Variants in CNTNAP2 observed in about 807,000 individuals in gnomAD.
CNTNAP2 encodes the protein contactin associated protein 2, also known as contactin-associated protein-like 2.
A neutral mutation model predicts 155.2 loss-of-function variants in CNTNAP2; 98 were observed. The observed-to-expected ratio is 0.63, with a 90% CI of 0.54 to 0.75. The LOEUF (loss-of-function observed/expected upper bound fraction) is 0.75, where lower values mean the gene tolerates loss of function less well. CNTNAP2 is among the 30% of genes least tolerant of loss of function. The probability of loss-of-function intolerance (pLI) is 0.00; values close to 1 mark genes in which losing one functional copy is unlikely to be tolerated. For missense variants in CNTNAP2, 1,727 were observed against 1,688.1 expected, an observed-to-expected ratio of 1.02 and a Z score of -0.40; for synonymous variants, 651 against 631.2, an observed-to-expected ratio of 1.03 and a Z score of -0.47.
chr7:146,766,256 A>G (rs1039899196), intron 1 of CNTNAP2, among the ~76,000 whole-genome samples: 1 of 152,208 alleles, frequency 6.6e-6, no homozygotes, highest in African/African-American at 2.4e-5. Flanking sequence ...CATATCCATT[A>G]AATTGCTGAT....
At chr7:147,355,402 A>C (rs1218938873) in intron 9 of CNTNAP2, among the ~76,000 whole-genome samples, 1 of 152,102 alleles carries the variant, frequency 6.6e-6, no homozygotes, top group East Asian at 1.9e-4. Context: ...AAGAGTAAAC[A>C]AATTCAAAAG....
At chr7:146,626,873 A>G (rs1465073394) in intron 1 of CNTNAP2, among the ~76,000 whole-genome samples, 1 of 152,178 alleles carries the variant, frequency 6.6e-6, no homozygotes, top group African/African-American at 2.4e-5. Context: ...TAGCTTTAAA[A>G]TGGAGGCCAT....
chr7:147,070,221 G>T (rs1050142260), intron 4 of CNTNAP2, among the ~76,000 whole-genome samples: 3 of 152,142 alleles, frequency 2.0e-5, no homozygotes, highest in African/African-American at 7.2e-5. Flanking sequence ...ATCTCAGAGG[G>T]AAATTAGGTA....
chr7:147,630,176 G>T (rs953773671), intron 12 of CNTNAP2, among the ~76,000 whole-genome samples: 24 of 151,586 alleles, frequency 1.6e-4, no homozygotes, highest in Non-Finnish European at 3.1e-4. Flanking sequence ...ATCATTCAAG[G>T]CTACTATGAA....
intron 11 of CNTNAP2, among the ~76,000 whole-genome samples, chr7:147,559,750 G>A (rs1800022960): frequency 6.6e-6 from 1 of 151,894 alleles, no homozygotes; most frequent in Non-Finnish European, 1.5e-5. Context: ...CTGGAGAGAG[G>A]TGTAAAAAAT....
intron 11 of CNTNAP2, among the ~76,000 whole-genome samples, chr7:147,506,865 A>G (rs1798915551): frequency 6.6e-6 from 1 of 152,050 alleles, no homozygotes; most frequent in South Asian, 2.1e-4. Flanking sequence ...TTCCTGTGAT[A>G]TTTTAAAAGG....
chr7:148,036,230 T>G (rs1056559184), intron 15 of CNTNAP2, among the ~76,000 whole-genome samples: 2 of 152,108 alleles, frequency 1.3e-5, no homozygotes, highest in African/African-American at 2.4e-5. Context: ...TTGAGATAGA[T>G]TGAATATATT....
intron 12 of CNTNAP2, among the ~76,000 whole-genome samples, chr7:147,630,316 T>TAAAA (rs71183024): frequency 2.9e-4 from 21 of 73,038 alleles, no homozygotes; most frequent in South Asian, 7.9e-4. Context: ...GAAACAGTAG[T>TAAAA]AAAAAAAAAA....
chr7:146,890,583 C>T (rs2129211373), intron 3 of CNTNAP2, among the ~76,000 whole-genome samples: 1 of 152,268 alleles, frequency 6.6e-6, no homozygotes, highest in African/African-American at 2.4e-5. Flanking sequence ...TTTTGCTAAT[C>T]AAGCATGTAT....
chr7:146,342,742 A>G (rs1794750441), intron 1 of CNTNAP2, among the ~76,000 whole-genome samples: 2 of 152,158 alleles, frequency 1.3e-5, no homozygotes, highest in African/African-American at 2.4e-5. Flanking sequence ...TTGGAGCTAT[A>G]TTGTCCCATT....
intron 13 of CNTNAP2, among the ~76,000 whole-genome samples, chr7:147,707,417 A>G (rs550892419): frequency 5.3e-5 from 8 of 152,282 alleles, no homozygotes; most frequent in African/African-American, 1.9e-4. Context: ...TTCCTCAGTG[A>G]CTGCAGTGTC....
At chr7:147,173,493 G>A (rs1177527558) in intron 8 of CNTNAP2, among the ~76,000 whole-genome samples, 1 of 152,100 alleles carries the variant, frequency 6.6e-6, no homozygotes, top group Non-Finnish European at 1.5e-5. Context: ...GATGAGATTA[G>A]ATTTATAAAA....
intron 1 of CNTNAP2, among the ~76,000 whole-genome samples, chr7:146,150,489 G>A (rs1387643488): frequency 5.9e-5 from 9 of 151,850 alleles, no homozygotes. Context: ...AGAATATATT[G>A]CCTAACATTA....
chr7:147,885,200 G>A (rs940069768), intron 13 of CNTNAP2, among the ~76,000 whole-genome samples: 1 of 152,168 alleles, frequency 6.6e-6, no homozygotes. Flanking sequence ...TTCTTAATGT[G>A]TTAAATAGTA....
At chr7:146,137,499 T>C (rs1797814714) in intron 1 of CNTNAP2, among the ~76,000 whole-genome samples, 1 of 152,128 alleles carries the variant, frequency 6.6e-6, no homozygotes, top group Non-Finnish European at 1.5e-5. Context: ...ATTTAGGACT[T>C]GAAAGAAGAA....
chr7:146,371,365 G>GTT (rs58066282), intron 1 of CNTNAP2, among the ~76,000 whole-genome samples: 4,663 of 98,380 alleles, frequency 0.047, 553 homozygotes, highest in African/African-American at 0.12. Context: ...GCCAGTATTA[G>GTT]TTTTTTTTTT....
chr7:146,738,952 A>T (rs1407956022), intron 1 of CNTNAP2, among the ~76,000 whole-genome samples: 1 of 151,144 alleles, frequency 6.6e-6, no homozygotes, highest in Non-Finnish European at 1.5e-5. Context: ...ATAGTCTTTG[A>T]TGATCCTTTG....
intron 3 of CNTNAP2, among the ~76,000 whole-genome samples, chr7:147,021,365 T>C (rs906756790): frequency 2.6e-5 from 4 of 152,186 alleles, no homozygotes; most frequent in African/African-American, 9.7e-5. Flanking sequence ...TTTTATTACA[T>C]ATTCTATAGA....
At chr7:148,336,873 C>T (rs148713490) in intron 21 of CNTNAP2, among the ~76,000 whole-genome samples, 15 of 152,310 alleles carry the variant, frequency 9.8e-5, no homozygotes, top group African/African-American at 3.6e-4. Flanking sequence ...TATCTCTGCT[C>T]ATTCTTTGCT....
Sources: allele counts gnomAD v4.1 joint callset (sites outside exome capture counted in the v4.1 genomes callset), GRCh38; gene constraint gnomAD v4.1.1; transcripts MANE v1.5; gene names NCBI Gene and HGNC (gene_info 2026-07-23, HGNC 2026-07-21).